The following DPYD variants were observed in gnomAD, a reference collection of about 807,000 sequenced individuals.
DPYD encodes dihydropyrimidine dehydrogenase [NADP(+)].
Under a neutral mutation model 116.2 loss-of-function variants are expected in DPYD, and 109 were observed. The ratio of observed to expected loss-of-function variants is 0.94; its 90% confidence interval spans 0.80 to 1.10. The LOEUF is 1.10. DPYD is among the 50% of genes least tolerant of loss of function. DPYD has a pLI of 0.00. For missense variants in DPYD, 1,302 were observed against 1,254.5 expected, an observed-to-expected ratio of 1.04 and a Z score of -0.57; for synonymous variants, 440 against 432.0, an observed-to-expected ratio of 1.02 and a Z score of -0.23.
At chr1:97,840,025 T>C (rs951463807) in intron 2 of DPYD, among the ~76,000 whole-genome samples, 5 of 152,180 alleles carry the variant, frequency 3.3e-5, no homozygotes, top group Non-Finnish European at 5.9e-5. Context: ...ATGTCATAAA[T>C]ATATTCTCAA....
chr1:97,489,439 C>T (rs1678845795), intron 13 of DPYD, among the ~76,000 whole-genome samples: 1 of 152,054 alleles, frequency 6.6e-6, no homozygotes, highest in Admixed American at 6.6e-5. Flanking sequence ...CTGTCTAGAC[C>T]TAAATACACA....
intron 21 of DPYD, among the ~76,000 whole-genome samples, chr1:97,086,110 G>A (rs1164630435): frequency 2.6e-5 from 4 of 152,154 alleles, no homozygotes; most frequent in African/African-American, 4.8e-5. Flanking sequence ...CTGGAGTGCA[G>A]TGGCGTGATC....
In DPYD at chr1:97,092,032, C is replaced by T. The variant is rs74106636; in HGVS notation, c.2766+6457G>A. Among the ~76,000 whole-genome samples the T allele has an allele frequency of 5.6e-3, 852 of 152,256 alleles. 6 individuals carry two copies. Among genetic ancestry groups the T allele is most frequent in the African/African-American group, 0.019 (785 of 41,566 alleles). On this transcript the variant is annotated intron_variant, in intron 21 of 22. Transcript: ENST00000370192. ...GATACCCACATCATTCATTCCCTCA[C>T]TTTTTTAGGTGTTTGCCCATATGCC...
chr1:97,274,902 T>C (rs1222092875), intron 18 of DPYD, among the ~76,000 whole-genome samples: 5 of 152,128 alleles, frequency 3.3e-5, no homozygotes, highest in African/African-American at 4.8e-5. Context: ...GAATATGATA[T>C]AAACACGAGA....
At chr1:97,572,371 A>G (rs1652961512) in intron 11 of DPYD, among the ~76,000 whole-genome samples, 1 of 151,964 alleles carries the variant, frequency 6.6e-6, no homozygotes, top group South Asian at 2.1e-4. Context: ...TGAGATTGCA[A>G]AAGCTGTTTT....
intron 19 of DPYD, among the ~76,000 whole-genome samples, chr1:97,210,807 C>A (rs1659985436): frequency 6.6e-6 from 1 of 152,122 alleles, no homozygotes; most frequent in Non-Finnish European, 1.5e-5. Flanking sequence ...CAGCCTACTA[C>A]TCCACCAGTC....
intron 16 of DPYD, among the ~76,000 whole-genome samples, chr1:97,322,143 G>C (rs1374743614): frequency 7.0e-6 from 1 of 142,378 alleles, no homozygotes. Context: ...TAGATGACGC[G>C]TTAGTGGGTG....
chr1:97,571,001 A>C (rs1321577767), intron 11 of DPYD, among the ~76,000 whole-genome samples: 1 of 151,992 alleles, frequency 6.6e-6, no homozygotes, highest in Non-Finnish European at 1.5e-5. Flanking sequence ...TTTACACAAA[A>C]AGGAAATAGT....
chr1:97,381,246 T>G (rs1203890005), intron 15 of DPYD, among the ~76,000 whole-genome samples: 1 of 152,156 alleles, frequency 6.6e-6, no homozygotes, highest in East Asian at 1.9e-4. Flanking sequence ...AAAAATATCT[T>G]TAGGTTAGCT....
chr1:97,685,069 T>C (rs936134506), intron 7 of DPYD, among the ~76,000 whole-genome samples: 14 of 152,190 alleles, frequency 9.2e-5, no homozygotes, highest in African/African-American at 2.4e-4. Context: ...CCAATATCCC[T>C]GATGAACATT....
intron 20 of DPYD, among the ~76,000 whole-genome samples, chr1:97,102,276 A>T (rs1380271049): frequency 6.6e-6 from 1 of 151,328 alleles, no homozygotes; most frequent in Non-Finnish European, 1.5e-5. Context: ...TTTCTTAATC[A>T]CACTCTCTTA....
chr1:97,293,098 A>C (rs181607596), intron 18 of DPYD, among the ~76,000 whole-genome samples: 7 of 152,352 alleles, frequency 4.6e-5, no homozygotes, highest in African/African-American at 1.7e-4. Flanking sequence ...CATGAAGCAC[A>C]GAGGTTAATA....
intron 18 of DPYD, among the ~76,000 whole-genome samples, chr1:97,272,749 T>C (rs769893357): frequency 6.6e-5 from 10 of 152,084 alleles, no homozygotes; most frequent in Admixed American, 3.9e-4. Context: ...AAAAGATACG[T>C]TACTACAAGC....
chr1:97,537,089 A>C (rs1041344647), intron 12 of DPYD, among the ~76,000 whole-genome samples: 4 of 152,214 alleles, frequency 2.6e-5, no homozygotes, highest in African/African-American at 9.6e-5. Context: ...TTTTATTTAA[A>C]GTTGGGACTG....
At chr1:97,270,650 T>G (rs1664519393) in intron 18 of DPYD, among the ~76,000 whole-genome samples, 1 of 152,146 alleles carries the variant, frequency 6.6e-6, no homozygotes, top group South Asian at 2.1e-4. Context: ...AGAAAGGTGC[T>G]GTGAACACTG....
chr1:97,785,624 T>C (rs1275293348), intron 3 of DPYD, among the ~76,000 whole-genome samples: 1 of 149,788 alleles, frequency 6.7e-6, no homozygotes, highest in East Asian at 2.0e-4. Flanking sequence ...TGTTTATTAA[T>C]AGATCTTTAT....
At chr1:97,116,382 T>C (rs1409063621) in intron 20 of DPYD, among the ~76,000 whole-genome samples, 2 of 152,004 alleles carry the variant, frequency 1.3e-5, no homozygotes, top group African/African-American at 2.4e-5. Context: ...TGATGTAAAA[T>C]GACAAATTGG....
At chr1:97,777,732 T>C (rs1007836558) in intron 3 of DPYD, among the ~76,000 whole-genome samples, 1 of 152,172 alleles carries the variant, frequency 6.6e-6, no homozygotes, top group African/African-American at 2.4e-5. Context: ...ATATGGTTGA[T>C]GATGAACAAG....
At chr1:97,814,912 A>AG (rs1557982305) in intron 3 of DPYD, among the ~76,000 whole-genome samples, 1 of 63,944 alleles carries the variant, frequency 1.6e-5, no homozygotes, top group Non-Finnish European at 3.2e-5. Context: ...TCAAAAAAAA[A>AG]AAAAAAAAAG....
Sources: allele counts gnomAD v4.1 joint callset (sites outside exome capture counted in the v4.1 genomes callset), GRCh38; gene constraint gnomAD v4.1.1; transcripts MANE v1.5; gene names NCBI Gene and HGNC (gene_info 2026-07-23, HGNC 2026-07-21).